MKLN1: variants seen among roughly 807,000 people sequenced by gnomAD.
The protein encoded by MKLN1 is muskelin 1, also known as muskelin.
A neutral mutation model predicts 99.0 loss-of-function variants in MKLN1; 18 were observed. The observed-to-expected ratio is 0.18, with a 90% CI of 0.13 to 0.27. The LOEUF (loss-of-function observed/expected upper bound fraction) is 0.27, where lower values mean the gene tolerates loss of function less well. Ranked by LOEUF, MKLN1 falls within the 10% of genes least tolerant of loss-of-function variation. MKLN1 has a pLI of 1.00. For missense variants in MKLN1, 621 were observed against 875.9 expected (o/e 0.71, Z 3.67); for synonymous variants, 288 against 293.2 (o/e 0.98, Z 0.18).
At chr7:131,367,158 T>C (rs1055468965) in intron 1 of MKLN1, among the ~76,000 whole-genome samples, 1 of 152,330 alleles carries the variant, frequency 6.6e-6, no homozygotes, top group East Asian at 1.9e-4. Context: ...TTGTAGTCTT[T>C]GTATGAGAAA....
At chr7:131,271,542 G>A (rs529105857) in intron 3 of MKLN1, among the ~76,000 whole-genome samples, 14 of 149,696 alleles carry the variant, frequency 9.4e-5, no homozygotes, top group African/African-American at 2.5e-4. Flanking sequence ...GCGTGAACCC[G>A]GGAGGCGGAG....
At chr7:131,176,477 T>C (rs1424560508) in intron 2 of MKLN1, among the ~76,000 whole-genome samples, 1 of 152,222 alleles carries the variant, frequency 6.6e-6, no homozygotes. Flanking sequence ...TATAAAGATT[T>C]CTTGTCTTTT....
At chr7:131,126,439 C>T (rs1399148250) in intron 1 of MKLN1, among the ~76,000 whole-genome samples, 1 of 152,118 alleles carries the variant, frequency 6.6e-6, no homozygotes, top group Non-Finnish European at 1.5e-5. Flanking sequence ...TTCTAAGGTA[C>T]AGATATCCCC....
intron 1 of MKLN1, among the ~76,000 whole-genome samples, chr7:131,349,798 C>G (rs1343914516): frequency 6.6e-6 from 1 of 152,076 alleles, no homozygotes; most frequent in Non-Finnish European, 1.5e-5. Flanking sequence ...TTTTTAGTTT[C>G]ATTTTTGTCT....
chr7:131,123,565 G>A (rs563131360), intron 1 of MKLN1, among the ~76,000 whole-genome samples: 3 of 152,300 alleles, frequency 2.0e-5, no homozygotes, highest in African/African-American at 7.2e-5. Context: ...CGAGGCAGGT[G>A]GATCACAAGG....
intron 8 of MKLN1, among the ~76,000 whole-genome samples, chr7:131,416,525 CTTT>C (rs71529704): frequency 6.9e-6 from 1 of 144,434 alleles, no homozygotes. Context: ...ATTTTTCTTT[CTTT>C]TTTTTTTTTT....
At chr7:131,339,675 G>C (rs929523165) in intron 1 of MKLN1, among the ~76,000 whole-genome samples, 32 of 143,040 alleles carry the variant, frequency 2.2e-4, no homozygotes, top group African/African-American at 7.4e-4. Context: ...CTCCAGACTG[G>C]GTGACAGAGG....
chr7:131,126,387 T>C (rs1795458115), intron 1 of MKLN1, among the ~76,000 whole-genome samples: 1 of 152,160 alleles, frequency 6.6e-6, no homozygotes, highest in Admixed American at 6.5e-5. Flanking sequence ...ATGTGAGTAG[T>C]TAAGTGAAAA....
intron 12 of MKLN1, among the ~76,000 whole-genome samples, chr7:131,455,002 A>G (rs1393779295): frequency 6.6e-6 from 1 of 152,240 alleles, no homozygotes; most frequent in African/African-American, 2.4e-5. Context: ...ATCTACTGTT[A>G]GTTAGGTTTT....
chr7:131,161,595 A>G (rs1796049111), intron 2 of MKLN1, among the ~76,000 whole-genome samples: 1 of 152,122 alleles, frequency 6.6e-6, no homozygotes. Flanking sequence ...TCTGTCGCCC[A>G]GGCTGGAGTG....
At chr7:131,312,653 T>A (rs1798587569) in intron 3 of MKLN1, among the ~76,000 whole-genome samples, 1 of 152,138 alleles carries the variant, frequency 6.6e-6, no homozygotes. Flanking sequence ...TTGACCAAAG[T>A]CCCCTCTTAC....
intron 2 of MKLN1, among the ~76,000 whole-genome samples, chr7:131,192,273 T>C: frequency 1.2e-5 from 1 of 84,668 alleles, no homozygotes; most frequent in African/African-American, 5.4e-5. Context: ...TATATAAATA[T>C]ATAAAATATA....
chr7:131,288,233 A>T (rs1397140542), intron 3 of MKLN1, among the ~76,000 whole-genome samples: 1 of 152,154 alleles, frequency 6.6e-6, no homozygotes, highest in African/African-American at 2.4e-5. Context: ...GAGGCAAAAG[A>T]GGTTGAGATA....
intron 12 of MKLN1, among the ~76,000 whole-genome samples, chr7:131,462,144 A>G (rs951874012): frequency 1.3e-5 from 2 of 152,088 alleles, no homozygotes; most frequent in African/African-American, 4.8e-5. Context: ...GGATCCTCCC[A>G]CCTCAGCCTC....
At chr7:131,199,850 T>C (rs913503686) in intron 2 of MKLN1, among the ~76,000 whole-genome samples, 1 of 151,630 alleles carries the variant, frequency 6.6e-6, no homozygotes, top group South Asian at 2.1e-4. Context: ...CGTGCCACCA[T>C]GCCCAGCTAA....
chr7:131,273,895 C>A (rs759828410), intron 3 of MKLN1, among the ~76,000 whole-genome samples: 1 of 152,060 alleles, frequency 6.6e-6, no homozygotes, highest in African/African-American at 2.4e-5. Context: ...TGTGAGCCAC[C>A]GCGCCCAGCC....
At chr7:131,148,875 T>A (rs1003534596) in intron 2 of MKLN1, among the ~76,000 whole-genome samples, 1 of 152,242 alleles carries the variant, frequency 6.6e-6, no homozygotes, top group Non-Finnish European at 1.5e-5. Flanking sequence ...AAGAATTGGT[T>A]TTTAAAACGA....
chr7:131,332,306 A>C (rs1279206215), intron 1 of MKLN1, among the ~76,000 whole-genome samples: 2 of 148,672 alleles, frequency 1.3e-5, no homozygotes, highest in African/African-American at 4.9e-5. Context: ...TATTTTTATT[A>C]CATAAAATAT....
intron 3 of MKLN1, among the ~76,000 whole-genome samples, chr7:131,215,447 G>A (rs1035604975): frequency 6.6e-6 from 1 of 151,944 alleles, no homozygotes; most frequent in African/African-American, 2.4e-5. Context: ...CTGGCTCAAG[G>A]GATCCTTCTG....
Sources: gnomAD v4.1 joint callset for allele counts (sites outside exome capture counted in the v4.1 genomes callset) on GRCh38, gnomAD v4.1.1 for gene constraint, MANE v1.5 for transcripts, NCBI Gene and HGNC (gene_info 2026-07-23, HGNC 2026-07-21) for gene names.